The following MATN2 variants were observed in gnomAD, a reference collection of about 807,000 sequenced individuals.
The protein encoded by MATN2 is matrilin 2.
Under a neutral mutation model 103.2 loss-of-function variants are expected in MATN2, and 69 were observed. The observed-to-expected ratio is 0.67, with a 90% confidence interval of 0.55 to 0.82. The LOEUF is 0.82. Ranked by LOEUF, MATN2 falls within the 40% of genes least tolerant of loss-of-function variation. MATN2 has a pLI of 0.00. For synonymous variants in MATN2, 429 were observed against 450.2 expected, an observed-to-expected ratio of 0.95 and a Z score of 0.60; for missense variants, 1,023 against 1,211.5, an observed-to-expected ratio of 0.84 and a Z score of 2.31.
intron 2 of MATN2, among the ~76,000 whole-genome samples, chr8:97,927,752 C>A (rs966300812): frequency 2.6e-5 from 4 of 152,128 alleles, no homozygotes; most frequent in Non-Finnish European, 5.9e-5. Flanking sequence ...GGGAGAGAAT[C>A]CAGTTTAGCA....
Position 98,034,543 on chromosome 8 carries a change from G to A in MATN2, c.2815+884G>A, listed in dbSNP as rs534054842. Among the ~76,000 whole-genome samples the A allele has an allele frequency of 8.9e-4, 136 of 152,108 alleles. 1 individual carries two copies. The highest frequency in any genetic ancestry group is 1.7e-3 in the Non-Finnish European group (116 of 68,020). On this transcript the variant is annotated intron_variant, in intron 18 of 18. Coordinates refer to ENST00000254898, the MANE Select transcript of MATN2 (RefSeq NM_002380.5). Reference sequence around the variant, plus strand: ...AAATAATCTTTCTGAGTGGTTAATTGACGAATATGGGCTCTCATTCTGCCC... The same window carrying A: ...AAATAATCTTTCTGAGTGGTTAATTAACGAATATGGGCTCTCATTCTGCCC...
intron 1 of MATN2, 80 bp from the exon 2 acceptor site, chr8:97,887,995 G>A (rs1246506783): frequency 1.5e-6 from 2 of 1,351,262 alleles, no homozygotes; most frequent in Non-Finnish European, 2.0e-6. Flanking sequence ...AAAAGGCGGG[G>A]CAGCGGGCCT....
rs1813863991 is a variant in MATN2 at position 98,027,755 on chromosome 8, G to A, written c.2282G>A (p.Arg761Lys). ...GARPLSTRVP[R>K]AAIVFTDGRA... ...AGGCCCCTTTCCACAAGGGTGCCCA[G>A]AGCAGCCATTGTGTTCACCGACGGA... Residue 761 changes from arginine (R) to lysine (K), a missense_variant, in exon 14 of 19, where the codon AGA (arginine) becomes AAA (lysine). Coordinates refer to ENST00000254898, the MANE Select transcript of MATN2 (RefSeq NM_002380.5). 2 of 1,611,226 alleles carry A rather than the reference G, an allele frequency of 1.2e-6. No homozygotes were observed. The highest frequency in any genetic ancestry group is 1.3e-5 in the African/African-American group (1 of 74,656).
At chr8:97,955,153 G>A (rs776178862) in intron 4 of MATN2, among the ~76,000 whole-genome samples, 1 of 151,246 alleles carries the variant, frequency 6.6e-6, no homozygotes, top group Non-Finnish European at 1.5e-5. Flanking sequence ...AGGTGAAGGG[G>A]TGGGTCTTGT....
chr8:97,974,510 G>A (rs1247949698), intron 5 of MATN2, among the ~76,000 whole-genome samples: 3 of 151,702 alleles, frequency 2.0e-5, no homozygotes, highest in South Asian at 2.1e-4. Context: ...GCAGTGGCAC[G>A]ATCTTGGCTC....
chr8:97,999,903 C>T (rs553033124), intron 7 of MATN2, among the ~76,000 whole-genome samples: 8 of 147,522 alleles, frequency 5.4e-5, no homozygotes, highest in South Asian at 2.2e-4. Flanking sequence ...TTTTTAAAGA[C>T]GGAATCTCAC....
intron 1 of MATN2, among the ~76,000 whole-genome samples, chr8:97,874,723 C>CTT (rs879510033): frequency 1.4e-5 from 2 of 144,422 alleles, no homozygotes; most frequent in African/African-American, 5.0e-5. Context: ...ACCTCTTCTA[C>CTT]TTTTTTTTTT....
chr8:97,966,814 T>C (rs1164432072), intron 5 of MATN2, among the ~76,000 whole-genome samples: 1 of 152,208 alleles, frequency 6.6e-6, no homozygotes, highest in Non-Finnish European at 1.5e-5. Flanking sequence ...TTTAAAACAG[T>C]GCTACCTGAG....
At chr8:97,906,991 A>T (rs1390095361) in intron 2 of MATN2, among the ~76,000 whole-genome samples, 5 of 144,470 alleles carry the variant, frequency 3.5e-5, no homozygotes, top group African/African-American at 5.2e-5. Context: ...AAATAACCAT[A>T]GCTGACTTTT....
chr8:97,964,902 T>C (rs1275627155), intron 5 of MATN2, among the ~76,000 whole-genome samples: 1 of 151,946 alleles, frequency 6.6e-6, no homozygotes, highest in African/African-American at 2.4e-5. Flanking sequence ...CTGGCTAATT[T>C]TTTGTATTTT....
At chr8:97,969,910 A>G (rs992454929) in intron 5 of MATN2, among the ~76,000 whole-genome samples, 3 of 152,186 alleles carry the variant, frequency 2.0e-5, no homozygotes, top group African/African-American at 7.2e-5. Context: ...GGTTCAAACT[A>G]TTTATTTAAA....
At chr8:97,993,572 A>T (rs191770593) in intron 6 of MATN2, among the ~76,000 whole-genome samples, 2 of 152,326 alleles carry the variant, frequency 1.3e-5, no homozygotes, top group East Asian at 3.9e-4. Flanking sequence ...AAATACTTTT[A>T]AAAAAATATT....
chr8:98,034,190 C>T (rs575783118), intron 18 of MATN2: 4 of 454,676 alleles, frequency 8.8e-6, no homozygotes, highest in Non-Finnish European at 1.3e-5. Context: ...TCTTCTCTAT[C>T]GGCACTCTAA....
intron 2 of MATN2, among the ~76,000 whole-genome samples, chr8:97,896,262 C>A (rs1289506920): frequency 6.6e-6 from 1 of 152,248 alleles, no homozygotes; most frequent in East Asian, 1.9e-4. Flanking sequence ...TCAGTTCATT[C>A]ATCTCTAAAA....
At chr8:97,946,018 T>C (rs1413214862) in intron 4 of MATN2, among the ~76,000 whole-genome samples, 3 of 152,194 alleles carry the variant, frequency 2.0e-5, no homozygotes, top group Non-Finnish European at 1.5e-5. Context: ...CTATTTCTGC[T>C]ATCTGAAGCC....
intron 4 of MATN2, chr8:97,952,086 G>A (rs898171068): frequency 6.6e-6 from 1 of 152,170 alleles, no homozygotes; most frequent in African/African-American, 2.4e-5. Flanking sequence ...ATGAAAGAGA[G>A]GGCATGGTCT....
At chr8:97,886,159 T>G (rs1043837996) in intron 1 of MATN2, among the ~76,000 whole-genome samples, 5 of 152,190 alleles carry the variant, frequency 3.3e-5, no homozygotes, top group Admixed American at 2.6e-4. Context: ...GACCTGTCAC[T>G]GTCTCCCGTC....
intron 5 of MATN2, among the ~76,000 whole-genome samples, chr8:97,965,107 G>C (rs1363148937): frequency 1.3e-5 from 2 of 152,096 alleles, no homozygotes; most frequent in African/African-American, 4.8e-5. Flanking sequence ...TTCCAGTTTG[G>C]ATGATAAATT....
intron 2 of MATN2, among the ~76,000 whole-genome samples, chr8:97,924,181 C>G (rs934219220): frequency 1.3e-5 from 2 of 152,156 alleles, no homozygotes; most frequent in Non-Finnish European, 1.5e-5. Flanking sequence ...CAACTTTTAC[C>G]AGCCTGCCCC....
Sources: gnomAD v4.1 joint callset for allele counts (sites outside exome capture counted in the v4.1 genomes callset) on GRCh38, gnomAD v4.1.1 for gene constraint, MANE v1.5 for transcripts, NCBI Gene and HGNC (gene_info 2026-07-23, HGNC 2026-07-21) for gene names.